The following CD36 variants were observed in gnomAD, a reference collection of about 807,000 sequenced individuals.
CD36 encodes platelet glycoprotein 4.
In CD36, 119 loss-of-function variants were observed where a neutral mutation model predicts 55.2. The observed-to-expected ratio is 2.15, with a 90% CI of 1.86 to 2.51. CD36 has a LOEUF of 2.51. CD36 is among the 30% of genes most tolerant of loss of function. CD36 has a pLI of 0.00. For synonymous variants in CD36, 186 were observed against 193.6 expected, an observed-to-expected ratio of 0.96 and a Z score of 0.33; for missense variants, 819 against 555.5, an observed-to-expected ratio of 1.47 and a Z score of -4.77.
At chr7:80,649,063 G>C (rs1483450812) in intron 3 of CD36, among the ~76,000 whole-genome samples, 4 of 152,108 alleles carry the variant, frequency 2.6e-5, no homozygotes, top group Non-Finnish European at 5.9e-5. Context: ...TTTTCAGCAA[G>C]TGTAAGATAT....
chr7:80,673,437 A>C, intron 13 of CD36, 28 bp downstream of exon 13: 2 of 1,322,914 alleles, frequency 1.5e-6, no homozygotes, highest in Non-Finnish European at 2.2e-6. Context: ...TTAGTCATTA[A>C]AAACAACCTT....
intron 1 of CD36, among the ~76,000 whole-genome samples, chr7:80,610,936 C>T (rs1792847327): frequency 6.6e-6 from 1 of 151,990 alleles, no homozygotes; most frequent in Non-Finnish European, 1.5e-5. Context: ...AGTGCAGTGG[C>T]ACAATCATAG....
At chr7:80,608,136 CTT>C (rs1792670416) in intron 1 of CD36, among the ~76,000 whole-genome samples, 1 of 152,126 alleles carries the variant, frequency 6.6e-6, no homozygotes, top group South Asian at 2.1e-4. Flanking sequence ...AAATGAGTGT[CTT>C]TTACTAGGCT....
At chr7:80,646,287 A>G (rs1463960217) in intron 2 of CD36, 106 bp downstream of exon 2, 2 of 206,986 alleles carry the variant, frequency 9.7e-6, no homozygotes, top group African/African-American at 4.6e-5. Flanking sequence ...GGGGTGTGGA[A>G]GGTTGTGTTG....
At position 80,641,367 on chromosome 7, in the gene CD36, A is replaced by G. The variant is rs937496082; in HGVS notation, c.-184+2621A>G. 4.1e-4 allele frequency among the ~76,000 whole-genome samples: 63 copies of G among 152,096 alleles called. 3 individuals carry two copies. Among genetic ancestry groups the G allele is most frequent in the Non-Finnish European group, 5.9e-5 (4 of 68,010 alleles). On this transcript the variant is annotated intron_variant, in intron 1 of 14. Coordinates refer to ENST00000447544, the MANE Select transcript of CD36 (RefSeq NM_001001548.3). ...ATACATAGTTATGATAATGTGAAAAAAGTAATTTTAAAAACTAACTTCTAT... is the reference window on the plus strand; with the variant it reads ...ATACATAGTTATGATAATGTGAAAAGAGTAATTTTAAAAACTAACTTCTAT...
intron 14 of CD36, among the ~76,000 whole-genome samples, chr7:80,675,004 C>G (rs749153355): frequency 3.9e-5 from 6 of 152,094 alleles, no homozygotes; most frequent in Non-Finnish European, 8.8e-5. Flanking sequence ...TGAAATCATA[C>G]ATTTTAATTG....
chr7:80,643,106 C>A (rs1794925560), intron 1 of CD36, among the ~76,000 whole-genome samples: 1 of 152,100 alleles, frequency 6.6e-6, no homozygotes, highest in South Asian at 2.1e-4. Context: ...GGAGCGCATG[C>A]ACTACTCCCT....
chr7:80,610,718 G>A (rs1310782670), intron 1 of CD36, among the ~76,000 whole-genome samples: 2 of 152,008 alleles, frequency 1.3e-5, no homozygotes, highest in African/African-American at 4.8e-5. Context: ...GGGACTACAG[G>A]CGCCCGCCAC....
At chr7:80,616,074 A>G (rs919542368) in intron 1 of CD36, among the ~76,000 whole-genome samples, 1 of 152,128 alleles carries the variant, frequency 6.6e-6, no homozygotes, top group Non-Finnish European at 1.5e-5. Flanking sequence ...TGTTCTTTAG[A>G]GTTGATTCTA....
intron 12 of CD36, 162 bp downstream of exon 12, chr7:80,673,005 TCA>T (rs751400473): frequency 9.4e-6 from 6 of 636,190 alleles, no homozygotes; most frequent in Non-Finnish European, 1.7e-5. Flanking sequence ...ATGACTAATT[TCA>T]CAGATTTTGG....
At chr7:80,640,654 T>C (rs933634181) in intron 1 of CD36, among the ~76,000 whole-genome samples, 2 of 151,980 alleles carry the variant, frequency 1.3e-5, no homozygotes, top group African/African-American at 4.8e-5. Flanking sequence ...TTGTCTAAGG[T>C]TCAAAAATTA....
intron 1 of CD36, among the ~76,000 whole-genome samples, chr7:80,631,680 T>C (rs1794079769): frequency 6.6e-6 from 1 of 151,858 alleles, no homozygotes; most frequent in Admixed American, 6.6e-5. Flanking sequence ...TATTATAGAA[T>C]AGTAGTCTGC....
intron 3 of CD36, among the ~76,000 whole-genome samples, chr7:80,652,558 C>T (rs959153321): frequency 6.6e-6 from 1 of 152,098 alleles, no homozygotes; most frequent in African/African-American, 2.4e-5. Flanking sequence ...GGAAATGATT[C>T]GTTTTAGGCC....
In CD36 at chr7:80,612,681, A is replaced by G. The variant is rs150759532; in HGVS notation, c.-184+10302A>G. ...TAGAAGAGATAATCTGACTTTTTCT[A>G]TTATTCAACCATATACTTTCTTTTG... On this transcript the variant is annotated intron_variant, in intron 1 of 13. Transcript: ENST00000309881. Among the ~76,000 whole-genome samples the G allele has an allele frequency of 1.6e-3, 247 of 152,286 alleles. 2 individuals carry two copies. Among genetic ancestry groups the G allele is most frequent in the East Asian group, 0.016 (82 of 5,184 alleles).
chr7:80,642,040 A>G (rs1794853440), intron 1 of CD36, among the ~76,000 whole-genome samples: 2 of 152,122 alleles, frequency 1.3e-5, no homozygotes, highest in African/African-American at 4.8e-5. Flanking sequence ...AGGATTTATA[A>G]TCTATAAACT....
chr7:80,609,496 G>A (rs1792756575), intron 1 of CD36, among the ~76,000 whole-genome samples: 1 of 148,614 alleles, frequency 6.7e-6, no homozygotes, highest in Non-Finnish European at 1.5e-5. Flanking sequence ...AGAATTGTCT[G>A]TTTATGAATC....
chr7:80,669,808 T>C, intron 8 of CD36, 145 bp from the exon 9 acceptor site: 1 of 721,756 alleles, frequency 1.4e-6, no homozygotes, highest in Non-Finnish European at 2.5e-6. Flanking sequence ...GTTATTTCTT[T>C]TTACCTTTTA....
intron 7 of CD36, 173 bp from the exon 8 acceptor site, chr7:80,666,270 A>G: frequency 1.7e-6 from 1 of 591,670 alleles, no homozygotes; most frequent in Non-Finnish European, 3.0e-6. Context: ...ACATTGCAAT[A>G]AGATAAAAGG....
In CD36 at chr7:80,666,498, A is replaced by G. The variant is rs764002255; in HGVS notation, c.748+9A>G. 6.2e-7 allele frequency: 1 copy of G among 1,602,406 alleles called. No homozygotes were observed. ...CATGATTAATGGTACAGGTAAGAAT[A>G]TTTGTTTTGTGGTCATCACAGTTAA... On this transcript the variant is annotated intron_variant, in intron 8 of 14. Transcript: ENST00000447544.
Sources: gnomAD v4.1 joint callset for allele counts (sites outside exome capture counted in the v4.1 genomes callset) on GRCh38, gnomAD v4.1.1 for gene constraint, MANE v1.5 for transcripts, NCBI Gene and HGNC (gene_info 2026-07-23, HGNC 2026-07-21) for gene names.